The following GALNT13 variants were observed in gnomAD, a reference collection of about 807,000 sequenced individuals.
The protein encoded by GALNT13 is polypeptide N-acetylgalactosaminyltransferase 13, also known as UDP-GalNAc:polypeptide N-acetylgalactosaminyltransferase 13.
GALNT13 carries 28 observed loss-of-function variants against 64.2 expected under a neutral mutation model. That is an observed-to-expected ratio of 0.44 (90% confidence interval 0.32 to 0.60). The LOEUF is 0.60. Ranked by LOEUF, GALNT13 falls within the 20% of genes least tolerant of loss-of-function variation. The probability of loss-of-function intolerance (pLI) is 0.05; values close to 1 mark genes in which losing one functional copy is unlikely to be tolerated. For missense variants in GALNT13, 577 were observed against 669.8 expected (o/e 0.86, Z 1.53); for synonymous variants, 214 against 224.6 (o/e 0.95, Z 0.42).
chr2:153,128,275 T>C, the GALNT13 span, among the ~76,000 whole-genome samples: 1 of 152,100 alleles, frequency 6.6e-6, no homozygotes, highest in African/African-American at 2.4e-5. Context: ...TTCCACATGG[T>C]TGGGGAGGCC....
At chr2:153,621,117 C>T in the GALNT13 span, among the ~76,000 whole-genome samples, 3 of 151,780 alleles carry the variant, frequency 2.0e-5, no homozygotes, top group East Asian at 3.9e-4. Context: ...AAACAGAGTC[C>T]GTCTCTCTCT....
intron 3 of GALNT13, among the ~76,000 whole-genome samples, chr2:154,078,360 T>C (rs1303509488): frequency 6.6e-6 from 1 of 151,586 alleles, no homozygotes; most frequent in Admixed American, 6.6e-5. Flanking sequence ...AATTATGTTC[T>C]TATTGTATAT....
At chr2:153,585,026 G>A in the GALNT13 span, among the ~76,000 whole-genome samples, 3 of 152,064 alleles carry the variant, frequency 2.0e-5, no homozygotes, top group Admixed American at 2.0e-4. Flanking sequence ...AAAGACATAT[G>A]ACACCCTCAA....
chr2:153,680,954 G>A, the GALNT13 span, among the ~76,000 whole-genome samples: 4 of 151,910 alleles, frequency 2.6e-5, no homozygotes, highest in African/African-American at 7.2e-5. Flanking sequence ...TAAGGAATTC[G>A]GATAATGCCT....
At chr2:154,429,012 C>G (rs1316427225) in intron 11 of GALNT13, among the ~76,000 whole-genome samples, 2 of 152,064 alleles carry the variant, frequency 1.3e-5, no homozygotes, top group African/African-American at 4.8e-5. Context: ...TGTATTCTGA[C>G]TGCTCCACAG....
the GALNT13 span, among the ~76,000 whole-genome samples, chr2:153,274,427 G>A: frequency 6.6e-6 from 1 of 152,138 alleles, no homozygotes; most frequent in East Asian, 1.9e-4. Flanking sequence ...CTTCGAACAG[G>A]CAGAATGGAA....
the GALNT13 span, among the ~76,000 whole-genome samples, chr2:153,838,612 T>C: frequency 6.6e-6 from 1 of 151,986 alleles, no homozygotes; most frequent in Admixed American, 6.6e-5. Context: ...TCAATTCTAC[T>C]CTATTGGTGC....
the GALNT13 span, among the ~76,000 whole-genome samples, chr2:153,819,044 C>T: frequency 1.3e-5 from 2 of 152,164 alleles, no homozygotes; most frequent in Non-Finnish European, 2.9e-5. Flanking sequence ...GTGCTAGGGA[C>T]TGAGGAACTC....
the GALNT13 span, among the ~76,000 whole-genome samples, chr2:153,117,698 C>A: frequency 2.0e-5 from 3 of 152,160 alleles, no homozygotes. Flanking sequence ...TCCAAAGATA[C>A]TCAAATAGGC....
chr2:153,667,685 T>C, the GALNT13 span, among the ~76,000 whole-genome samples: 1 of 152,204 alleles, frequency 6.6e-6, no homozygotes, highest in Non-Finnish European at 1.5e-5. Context: ...CTTAAGTACA[T>C]AGAGCATTGA....
chr2:154,153,118 G>T (rs1684160335), intron 4 of GALNT13, among the ~76,000 whole-genome samples: 1 of 152,144 alleles, frequency 6.6e-6, no homozygotes. Context: ...TGGTGTGGAT[G>T]TCCTTTCTGT....
At chr2:153,634,542 C>CTTTTTTT in the GALNT13 span, among the ~76,000 whole-genome samples, 8 of 91,252 alleles carry the variant, frequency 8.8e-5, no homozygotes, top group South Asian at 4.2e-4. Context: ...AGATGGAAAT[C>CTTTTTTT]TTTTTTTTTT....
the GALNT13 span, among the ~76,000 whole-genome samples, chr2:153,675,976 C>T: frequency 6.6e-6 from 1 of 152,006 alleles, no homozygotes; most frequent in Non-Finnish European, 1.5e-5. Context: ...AGGAGCAAAT[C>T]AGCCCCAAAG....
chr2:154,378,137 A>G (rs1484718677), intron 9 of GALNT13, among the ~76,000 whole-genome samples: 1 of 152,180 alleles, frequency 6.6e-6, no homozygotes, highest in Non-Finnish European at 1.5e-5. Flanking sequence ...GAACGAACAC[A>G]GAGAACGCCA....
At chr2:153,241,892 G>A in the GALNT13 span, among the ~76,000 whole-genome samples, 1 of 152,020 alleles carries the variant, frequency 6.6e-6, no homozygotes, top group Admixed American at 6.6e-5. Context: ...TGCTTTTCAA[G>A]CCAGCATGAC....
the GALNT13 span, among the ~76,000 whole-genome samples, chr2:153,225,025 A>G: frequency 6.6e-6 from 1 of 152,240 alleles, no homozygotes; most frequent in Non-Finnish European, 1.5e-5. Flanking sequence ...TAAAAATATT[A>G]CAAGAGAGAA....
At chr2:153,443,154 T>C in the GALNT13 span, among the ~76,000 whole-genome samples, 2 of 152,182 alleles carry the variant, frequency 1.3e-5, no homozygotes, top group African/African-American at 4.8e-5. Context: ...AGTTTTGTGC[T>C]TGAAACCTAG....
At chr2:154,158,157 C>T (rs1684531877) in intron 4 of GALNT13, among the ~76,000 whole-genome samples, 1 of 152,096 alleles carries the variant, frequency 6.6e-6, no homozygotes, top group South Asian at 2.1e-4. Context: ...TGGATATCTT[C>T]CCTTGACTAT....
At position 154,242,109 on chromosome 2, in the gene GALNT13, C is replaced by T. The variant is rs769482411; in HGVS notation, c.391C>T (p.Leu131Phe). ...GTTTCATAATGAAGCTTGGAGCACTCTCCTTAGAACTGTTTACAGTGTGAT... is the reference window on the plus strand; with the variant it reads ...GTTTCATAATGAAGCTTGGAGCACTTTCCTTAGAACTGTTTACAGTGTGAT... The part of the protein sequence containing the change: ...IVFHNEAWST[L>F]LRTVYSVINR... Residue 131 changes from leucine (L) to phenylalanine (F), a missense_variant, in exon 5 of 13, where the codon CTC (leucine) becomes TTC (phenylalanine). Transcript: ENST00000392825. 2 of 1,611,478 alleles carry T rather than the reference C, an allele frequency of 1.2e-6. No individual in the cohort carries two copies. The highest frequency in any genetic ancestry group is 1.3e-5 in the African/African-American group (1 of 74,854).
Sources: allele counts gnomAD v4.1 joint callset (sites outside exome capture counted in the v4.1 genomes callset), GRCh38; gene constraint gnomAD v4.1.1; transcripts MANE v1.5; gene names NCBI Gene and HGNC (gene_info 2026-07-23, HGNC 2026-07-21).